Variants in NRG1 observed in about 807,000 individuals in gnomAD.
The protein encoded by NRG1 is pro-neuregulin-1, membrane-bound isoform.
A neutral mutation model predicts 63.8 loss-of-function variants in NRG1; 18 were observed. That is an observed-to-expected ratio of 0.28 (90% CI 0.19 to 0.42). The LOEUF (loss-of-function observed/expected upper bound fraction) is 0.42. Ranked by LOEUF, NRG1 falls within the 10% of genes least tolerant of loss-of-function variation. The probability of loss-of-function intolerance (pLI) is 1.00; values close to 1 mark genes in which losing one functional copy is unlikely to be tolerated. For missense variants in NRG1, 762 were observed against 814.7 expected, an observed-to-expected ratio of 0.94 and a Z score of 0.79; for synonymous variants, 302 against 301.3, an observed-to-expected ratio of 1.00 and a Z score of -0.02.
intron 1 of NRG1, among the ~76,000 whole-genome samples, chr8:31,784,195 A>G (rs1391802409): frequency 6.6e-6 from 1 of 152,206 alleles, no homozygotes; most frequent in Non-Finnish European, 1.5e-5. Context: ...ATTTTGGTTG[A>G]ATTTACCCTC....
At chr8:32,420,354 T>C (rs1190765043) in intron 1 of NRG1, among the ~76,000 whole-genome samples, 4 of 152,158 alleles carry the variant, frequency 2.6e-5, no homozygotes, top group African/African-American at 7.2e-5. Flanking sequence ...TTCTCGTATT[T>C]CCTCTTTGAG....
intron 1 of NRG1, among the ~76,000 whole-genome samples, chr8:32,135,664 A>G (rs1835413224): frequency 6.6e-6 from 1 of 151,888 alleles, no homozygotes; most frequent in Non-Finnish European, 1.5e-5. Context: ...TTTTTTTGAG[A>G]TATCTTCTGA....
intron 5 of NRG1, among the ~76,000 whole-genome samples, chr8:32,717,588 G>C (rs186931974): frequency 1.3e-5 from 2 of 152,110 alleles, no homozygotes; most frequent in Non-Finnish European, 2.9e-5. Flanking sequence ...TTACTGCTTC[G>C]TTGCTTTCCG....
At chr8:31,739,888 C>G (rs1433645972) in intron 1 of NRG1, among the ~76,000 whole-genome samples, 1 of 152,014 alleles carries the variant, frequency 6.6e-6, no homozygotes, top group Non-Finnish European at 1.5e-5. Context: ...TTTTACTCAG[C>G]TTTCCTCGAC....
intron 1 of NRG1, among the ~76,000 whole-genome samples, chr8:31,917,321 C>G (rs4634597): frequency 0.66 from 97,293 of 146,562 alleles, 32,803 homozygotes; most frequent in East Asian, 0.92. Context: ...TTTTCTTCTA[C>G]GGTTTTTATG....
At chr8:32,615,903 A>G (rs1847271677) in intron 4 of NRG1, among the ~76,000 whole-genome samples, 1 of 152,020 alleles carries the variant, frequency 6.6e-6, no homozygotes, top group South Asian at 2.1e-4. Context: ...CACATATTCT[A>G]AATTTCTTCA....
chr8:31,981,836 G>T (rs1486228732), intron 1 of NRG1, among the ~76,000 whole-genome samples: 1 of 151,728 alleles, frequency 6.6e-6, no homozygotes, highest in Admixed American at 6.6e-5. Context: ...CAAAAAAAAA[G>T]GAATATGGTG....
At chr8:32,123,122 A>T (rs1223006793) in intron 1 of NRG1, among the ~76,000 whole-genome samples, 1 of 151,986 alleles carries the variant, frequency 6.6e-6, no homozygotes, top group Admixed American at 6.6e-5. Context: ...TAATGATCAG[A>T]TTCACAGTGA....
intron 1 of NRG1, among the ~76,000 whole-genome samples, chr8:31,809,741 G>GTTTTTTTTTTTTTTTTTT (rs753730069): frequency 5.9e-5 from 4 of 68,016 alleles, no homozygotes; most frequent in Non-Finnish European, 7.9e-5. Flanking sequence ...TCTATTAATT[G>GTTTTTTTTTTTTTTTTTT]TTTTTTTTTT....
intron 1 of NRG1, among the ~76,000 whole-genome samples, chr8:31,835,596 C>T (rs1045188589): frequency 2.0e-5 from 3 of 152,140 alleles, no homozygotes; most frequent in African/African-American, 7.2e-5. Flanking sequence ...TTAAAATCAC[C>T]GGGCCTAGTT....
At chr8:32,670,322 T>C (rs1805307420) in intron 5 of NRG1, among the ~76,000 whole-genome samples, 1 of 152,152 alleles carries the variant, frequency 6.6e-6, no homozygotes, top group Admixed American at 6.5e-5. Context: ...TTTTGGAAGT[T>C]ACAAATTCAT....
intron 1 of NRG1, among the ~76,000 whole-genome samples, chr8:32,582,568 T>C (rs1409946257): frequency 6.6e-6 from 1 of 152,182 alleles, no homozygotes; most frequent in Non-Finnish European, 1.5e-5. Context: ...ATTCTCTCAC[T>C]CCATCCTGTG....
intron 1 of NRG1, among the ~76,000 whole-genome samples, chr8:32,236,107 A>AT (rs1050644233): frequency 3.3e-5 from 5 of 151,272 alleles, no homozygotes; most frequent in African/African-American, 7.3e-5. Context: ...AAGGATTAAG[A>AT]TTTTTTTGTT....
At chr8:31,764,675 G>GT (rs1045781031) in intron 1 of NRG1, among the ~76,000 whole-genome samples, 1 of 152,042 alleles carries the variant, frequency 6.6e-6, no homozygotes, top group African/African-American at 2.4e-5. Flanking sequence ...GAATTTACAT[G>GT]TTTTTTATGT....
chr8:32,274,144 T>C (rs1275930705), intron 1 of NRG1, among the ~76,000 whole-genome samples: 1 of 152,212 alleles, frequency 6.6e-6, no homozygotes, highest in Non-Finnish European at 1.5e-5. Context: ...GTAATCATCT[T>C]TGGTGCTTCA....
rs373997348 is a variant in NRG1 at position 32,614,498 on chromosome 8, C to A, written c.401-16C>A. 1.2e-6 allele frequency: 2 copies of A among 1,611,942 alleles called. No homozygotes were observed. Among genetic ancestry groups the A allele is most frequent in the African/African-American group, 2.7e-5 (2 of 74,810 alleles). The stretch of plus-strand genomic sequence containing the variant: ...CTGTTTATATATCATAATGTCCTAT[C>A]ACCTTTTTTTTTCAGAGATCATCAC... On this transcript the variant is annotated splice_polypyrimidine_tract_variant and intron_variant, in intron 3 of 11. Transcript: ENST00000356819.
intron 1 of NRG1, among the ~76,000 whole-genome samples, chr8:32,280,171 TG>T: frequency 6.6e-6 from 1 of 152,378 alleles, no homozygotes; most frequent in Non-Finnish European, 1.5e-5. Flanking sequence ...TAGAATAGAA[TG>T]TAAGTGTGAA....
At chr8:31,777,740 A>G (rs1303335422) in intron 1 of NRG1, among the ~76,000 whole-genome samples, 5 of 152,284 alleles carry the variant, frequency 3.3e-5, no homozygotes, top group Non-Finnish European at 7.4e-5. Context: ...CAGATATTAC[A>G]TGGTGAAACA....
intron 1 of NRG1, among the ~76,000 whole-genome samples, chr8:31,686,815 C>G (rs1205399177): frequency 6.6e-6 from 1 of 152,084 alleles, no homozygotes; most frequent in African/African-American, 2.4e-5. Flanking sequence ...GTGGCCCAGG[C>G]TGAAGTGTAG....
Sources: gnomAD v4.1 joint callset for allele counts (sites outside exome capture counted in the v4.1 genomes callset) on GRCh38, gnomAD v4.1.1 for gene constraint, MANE v1.5 for transcripts, NCBI Gene and HGNC (gene_info 2026-07-23, HGNC 2026-07-21) for gene names.